The following GLIS1 variants were observed in gnomAD, a reference collection of about 807,000 sequenced individuals.
The protein encoded by GLIS1 is zinc finger protein GLIS1.
A neutral mutation model predicts 63.8 loss-of-function variants in GLIS1; 24 were observed. The ratio of observed to expected loss-of-function variants is 0.38; its 90% CI spans 0.27 to 0.53. The LOEUF is 0.53. Ranked by LOEUF, GLIS1 falls within the 20% of genes least tolerant of loss-of-function variation. The pLI is 0.85. For missense variants in GLIS1, 1,036 were observed against 1,074.1 expected (o/e 0.96, Z 0.50); for synonymous variants, 450 against 482.5 (o/e 0.93, Z 0.88).
intron 2 of GLIS1, among the ~76,000 whole-genome samples, chr1:53,663,761 C>T (rs1000266026): frequency 6.6e-6 from 1 of 152,324 alleles, no homozygotes. Flanking sequence ...AGGTCTCTCT[C>T]GGGGTCAGGA....
At chr1:53,668,597 A>T (rs1646119584) in intron 2 of GLIS1, among the ~76,000 whole-genome samples, 1 of 152,068 alleles carries the variant, frequency 6.6e-6, no homozygotes, top group African/African-American at 2.4e-5. Flanking sequence ...CTGACCTCAG[A>T]TAATCTGCCT....
At chr1:53,726,867 A>G (rs1646810883) in intron 2 of GLIS1, among the ~76,000 whole-genome samples, 1 of 152,246 alleles carries the variant, frequency 6.6e-6, no homozygotes. Flanking sequence ...ATAAAGTACT[A>G]CAGTGCAGAG....
At chr1:53,533,001 AGACGCTCC>A (rs1644546629) in intron 4 of GLIS1, among the ~76,000 whole-genome samples, 1 of 152,250 alleles carries the variant, frequency 6.6e-6, no homozygotes, top group Non-Finnish European at 1.5e-5. Context: ...TCTCCCATGC[AGACGCTCC>A]ACGCGTGATC....
At chr1:53,606,340 C>T (rs150458905) in intron 2 of GLIS1, among the ~76,000 whole-genome samples, 126 of 152,284 alleles carry the variant, frequency 8.3e-4, no homozygotes, top group African/African-American at 2.6e-3. Flanking sequence ...TGAGCATGGG[C>T]GTGGCAGCCC....
chr1:53,520,974 A>C (rs947735340), intron 6 of GLIS1, among the ~76,000 whole-genome samples: 12 of 152,272 alleles, frequency 7.9e-5, no homozygotes, highest in Admixed American at 6.5e-4. Context: ...GCAGATGCCA[A>C]GATGGGATTC....
In GLIS1 at chr1:53,600,267, A is replaced by G; in HGVS notation, c.271T>C (p.Tyr91His). The change falls in exon 3 of 11, where the codon TAC becomes CAC. Residue 91 changes from tyrosine (Y) to histidine (H), a missense_variant. By Grantham distance (83) the Tyr-to-His change is moderately conservative (BLOSUM62 2). This residue lies in a region of GLIS1 where 592 missense variants were observed against 593.9 expected (regional missense o/e 1.00). Coordinates refer to ENST00000628545, the MANE Select transcript of GLIS1 (RefSeq NM_001367484.1). ...TCTGAGCCCGGGGTACGGTGTCCGT[A>G]GCTCCCATTCACTAGGCAGAGAAAG... ...AAAAGKVNGS[Y>H]GHRTPGSEKS... The G allele has an allele frequency of 8.1e-7, 1 of 1,232,054 alleles. No individual in the cohort carries two copies. The highest frequency in any genetic ancestry group is 3.2e-5 in the East Asian group (1 of 31,710). 76.3% of individuals were successfully genotyped at this position (1,232,054 alleles called of 1,614,324 possible). A position where few individuals can be genotyped will look rare whatever the true frequency, so the allele number is the denominator to read the frequency against.
chr1:53,580,972 A>T (rs1645078881), intron 4 of GLIS1, among the ~76,000 whole-genome samples: 1 of 151,888 alleles, frequency 6.6e-6, no homozygotes, highest in Non-Finnish European at 1.5e-5. Context: ...AGCATCTACT[A>T]TGTGGAGGAC....
intron 4 of GLIS1, among the ~76,000 whole-genome samples, chr1:53,586,489 T>C (rs1645136266): frequency 6.6e-6 from 1 of 152,218 alleles, no homozygotes; most frequent in South Asian, 2.1e-4. Flanking sequence ...CATTTTAGAC[T>C]TTCCCTTTTC....
rs547021928 is a variant in GLIS1, at chr1:53,598,110, T to C, written c.437+1991A>G. 6.6e-6 allele frequency among the ~76,000 whole-genome samples: 1 copy of C among 152,306 alleles called. No individual in the cohort carries two copies. Among genetic ancestry groups the C allele is most frequent in the East Asian group, 1.9e-4 (1 of 5,176 alleles). ...ACGCTTGCTCCTTGCTATGGACTGA[T>C]TTGTGTCCCCCCAAAATTTATACAT... On this transcript the variant is annotated intron_variant, in intron 3 of 10. Transcript: ENST00000628545. The surrounding 1 kb of genome is among the most constrained non-coding windows in gnomAD (Gnocchi z 4.6).
intron 4 of GLIS1, among the ~76,000 whole-genome samples, chr1:53,533,894 G>A (rs1644556119): frequency 6.6e-6 from 1 of 152,150 alleles, no homozygotes; most frequent in African/African-American, 2.4e-5. Context: ...TGTCACAAAT[G>A]TGGCACCTTA....
intron 6 of GLIS1, 135 bp from the exon 7 acceptor site, chr1:53,520,901 C>T: frequency 1.0e-6 from 1 of 972,716 alleles, no homozygotes; most frequent in Non-Finnish European, 1.5e-6. Context: ...CTCAGTTCCC[C>T]ATCTGTGAAA....
At chr1:53,595,153 T>C (rs1038427084) in intron 3 of GLIS1, among the ~76,000 whole-genome samples, 163 bp from the exon 4 acceptor site, 18 of 151,522 alleles carry the variant, frequency 1.2e-4, no homozygotes, top group African/African-American at 3.9e-4. Flanking sequence ...TACAGACTGG[T>C]TGTCTGGAAA....
At chr1:53,716,014 G>C (rs767787101) in intron 2 of GLIS1, among the ~76,000 whole-genome samples, 3 of 152,208 alleles carry the variant, frequency 2.0e-5, no homozygotes, top group Non-Finnish European at 4.4e-5. Flanking sequence ...TCGCACTGCA[G>C]GGGAGGTCAC....
At chr1:53,509,455 C>A (rs982151051) in intron 9 of GLIS1, among the ~76,000 whole-genome samples, 168 bp from the exon 10 acceptor site, 3 of 152,062 alleles carry the variant, frequency 2.0e-5, no homozygotes, top group Admixed American at 2.0e-4. Flanking sequence ...GGCTGGGGCC[C>A]CATTCTCAGC....
At chr1:53,524,276 C>A (rs1297531177) in intron 6 of GLIS1, among the ~76,000 whole-genome samples, 1 of 152,242 alleles carries the variant, frequency 6.6e-6, no homozygotes, top group East Asian at 1.9e-4. Context: ...GACGCCACTT[C>A]CTCCACAGAC....
chr1:53,517,674 G>T (rs1644366503), intron 7 of GLIS1, among the ~76,000 whole-genome samples: 1 of 152,028 alleles, frequency 6.6e-6, no homozygotes, highest in Admixed American at 6.5e-5. Context: ...GAAGAGAACT[G>T]GTCCCTACTT....
At chr1:53,695,436 G>A (rs915841195) in intron 2 of GLIS1, among the ~76,000 whole-genome samples, 1 of 152,252 alleles carries the variant, frequency 6.6e-6, no homozygotes, top group African/African-American at 2.4e-5. Flanking sequence ...AGAAGAAGGT[G>A]ACAGACAGGG....
chr1:53,528,041 G>T (rs1374181985), intron 5 of GLIS1, among the ~76,000 whole-genome samples: 1 of 152,158 alleles, frequency 6.6e-6, no homozygotes, highest in Non-Finnish European at 1.5e-5. Context: ...GAGGGTGCAG[G>T]GAGGCCTGGC....
chr1:53,567,870 T>C (rs1644948831), intron 4 of GLIS1, among the ~76,000 whole-genome samples: 1 of 152,214 alleles, frequency 6.6e-6, no homozygotes, highest in Non-Finnish European at 1.5e-5. Context: ...AAAGGACGTA[T>C]GGAAATGCCT....
Sources: gnomAD v4.1 joint callset for allele counts (sites outside exome capture counted in the v4.1 genomes callset) on GRCh38, gnomAD v4.1.1 for gene constraint, gnomAD v4.1.1 regional missense constraint, Gnocchi (gnomAD v3.1) non-coding constraint, MANE v1.5 for transcripts, NCBI Gene and HGNC (gene_info 2026-07-23, HGNC 2026-07-21) for gene names.